Variants in MTUS2 observed in about 807,000 individuals in gnomAD.
The protein encoded by MTUS2 is microtubule-associated tumor suppressor candidate 2.
A neutral mutation model predicts 114.1 loss-of-function variants in MTUS2; 40 were observed. The ratio of observed to expected loss-of-function variants is 0.35; its 90% confidence interval spans 0.27 to 0.46. The LOEUF is 0.46. Among genes scored for constraint, MTUS2 ranks in the 20% least tolerant of loss-of-function variants. The pLI, the probability that MTUS2 is intolerant of heterozygous loss-of-function variation, is 1.00. For missense variants in MTUS2, 1,679 were observed against 1,705.4 expected, an observed-to-expected ratio of 0.98 and a Z score of 0.27; for synonymous variants, 688 against 672.0, an observed-to-expected ratio of 1.02 and a Z score of -0.37.
chr13:29,199,454 G>T (rs1362039903), intron 5 of MTUS2, among the ~76,000 whole-genome samples: 3 of 152,156 alleles, frequency 2.0e-5, no homozygotes, highest in Non-Finnish European at 2.9e-5. Context: ...TAATCATGTG[G>T]TTTTTGTCAT....
At chr13:29,350,066 TTCTC>T (rs771923276) in intron 7 of MTUS2, among the ~76,000 whole-genome samples, 15 of 152,144 alleles carry the variant, frequency 9.9e-5, no homozygotes, top group Non-Finnish European at 2.2e-4. Flanking sequence ...TGAGTATTTC[TTCTC>T]TCTGTGTTTC....
At chr13:29,118,132 C>T (rs891318682) in intron 5 of MTUS2, among the ~76,000 whole-genome samples, 2 of 152,048 alleles carry the variant, frequency 1.3e-5, no homozygotes, top group African/African-American at 2.4e-5. Context: ...AGGAAATGTA[C>T]GTTGCCTTGA....
intron 5 of MTUS2, among the ~76,000 whole-genome samples, chr13:29,152,077 A>AT (rs911233132): frequency 2.0e-5 from 3 of 151,568 alleles, no homozygotes; most frequent in South Asian, 2.1e-4. Context: ...TTCCTCCTTG[A>AT]TTTTTTTTGG....
At chr13:28,928,113 A>C (rs1436007869) in intron 2 of MTUS2, among the ~76,000 whole-genome samples, 1 of 152,198 alleles carries the variant, frequency 6.6e-6, no homozygotes, top group African/African-American at 2.4e-5. Context: ...AAATGGAATA[A>C]AGACTTAAAT....
At chr13:29,239,065 A>T (rs1896638934) in intron 5 of MTUS2, among the ~76,000 whole-genome samples, 1 of 152,212 alleles carries the variant, frequency 6.6e-6, no homozygotes, top group Admixed American at 6.5e-5. Context: ...ACAGTGCCAT[A>T]TTCTACACTT....
intron 8 of MTUS2, among the ~76,000 whole-genome samples, chr13:29,364,362 CCCCG>C (rs1346898616): frequency 6.6e-6 from 1 of 151,992 alleles, no homozygotes; most frequent in Non-Finnish European, 1.5e-5. Context: ...TGCAGAGTGC[CCCCG>C]CTCCCTGCAT....
At chr13:29,427,999 C>G (rs1458904449) in intron 8 of MTUS2, among the ~76,000 whole-genome samples, 1 of 152,182 alleles carries the variant, frequency 6.6e-6, no homozygotes, top group Non-Finnish European at 1.5e-5. Flanking sequence ...AAGATCAAGT[C>G]CTTCAAGGCT....
At chr13:29,252,921 A>G (rs1897172969) in intron 5 of MTUS2, among the ~76,000 whole-genome samples, 1 of 150,194 alleles carries the variant, frequency 6.7e-6, no homozygotes, top group Non-Finnish European at 1.5e-5. Context: ...TTTTTTTTTT[A>G]TAAATTACCT....
chr13:28,884,384 G>A (rs1285667718), intron 2 of MTUS2, among the ~76,000 whole-genome samples: 2 of 152,170 alleles, frequency 1.3e-5, no homozygotes, highest in African/African-American at 2.4e-5. Flanking sequence ...GTAGAATGGT[G>A]GTTGCTAGGG....
chr13:29,276,137 G>A (rs548924351), intron 5 of MTUS2, among the ~76,000 whole-genome samples: 47 of 152,194 alleles, frequency 3.1e-4, no homozygotes, highest in Non-Finnish European at 6.3e-4. Context: ...AGCTCAGGGT[G>A]TCCACACACT....
At position 29,480,922 on chromosome 13, in the gene MTUS2, C is replaced by T. The variant is rs535107977; in HGVS notation, c.3399+558C>T. ...CATGTAGTCCTCACAGTTCCCCTAA[C>T]GAGGAAGGTACCATTCTTATTCCCA... On this transcript the variant is annotated intron_variant, in intron 10 of 15. Coordinates refer to ENST00000612955, the MANE Select transcript of MTUS2 (RefSeq NM_001033602.4). This position sits in a 1 kb window ranked among gnomAD's most constrained non-coding sequence, Gnocchi z 4.4. Among the ~76,000 whole-genome samples, 8 of 152,300 alleles carry T rather than the reference C, an allele frequency of 5.3e-5. No individual in the cohort carries two copies. Among genetic ancestry groups the T allele is most frequent in the South Asian group, 2.1e-4 (1 of 4,824 alleles).
chr13:29,495,955 T>C (rs1322668278), intron 12 of MTUS2, among the ~76,000 whole-genome samples: 1 of 152,122 alleles, frequency 6.6e-6, no homozygotes, highest in African/African-American at 2.4e-5. Context: ...TCTATATCTA[T>C]ATCTATATAT....
At chr13:29,406,169 C>T (rs776337070) in intron 8 of MTUS2, among the ~76,000 whole-genome samples, 1 of 152,182 alleles carries the variant, frequency 6.6e-6, no homozygotes, top group Non-Finnish European at 1.5e-5. Flanking sequence ...CCGTCCCTTA[C>T]AAGAAGAAAC....
rs576140670 is a variant in MTUS2, at chr13:28,963,127, G to A, written c.-242-61330G>A. Among the ~76,000 whole-genome samples, 22 of 152,244 alleles carry A rather than the reference G, an allele frequency of 1.4e-4. No homozygotes were observed. In the East Asian group the frequency reaches 3.9e-3, roughly 27 times the overall value. On this transcript the variant is annotated intron_variant, in intron 2 of 15. Coordinates refer to ENST00000612955, the MANE Select transcript of MTUS2 (RefSeq NM_001033602.4). The stretch of plus-strand genomic sequence containing the variant: ...AGCACTTTGGGAGGCCGAGACAGAC[G>A]GATCACGAGGTCAGGAGATCGAGAC...
intron 8 of MTUS2, chr13:29,428,894 A>G: frequency 2.5e-6 from 4 of 1,613,970 alleles, no homozygotes; most frequent in Non-Finnish European, 3.4e-6. Flanking sequence ...CCTGGACAAG[A>G]CGGTACTTTG....
chr13:29,411,774 C>T (rs1246871873), intron 8 of MTUS2, among the ~76,000 whole-genome samples: 10 of 152,146 alleles, frequency 6.6e-5, no homozygotes, highest in Admixed American at 6.5e-4. Context: ...TAAAGTTTTC[C>T]TCAGAGAGAT....
chr13:29,228,425 T>C (rs4512949), intron 5 of MTUS2, among the ~76,000 whole-genome samples: 118,649 of 151,480 alleles, frequency 0.78, 46,648 homozygotes, highest in East Asian at 0.89. Flanking sequence ...GGCTTAAGTG[T>C]GCCTCCCATC....
chr13:29,248,504 A>G (rs1897005659), intron 5 of MTUS2, among the ~76,000 whole-genome samples: 1 of 152,214 alleles, frequency 6.6e-6, no homozygotes, highest in Non-Finnish European at 1.5e-5. Context: ...TCCAGGATAC[A>G]TGTGGTGAAT....
At chr13:28,975,980 G>T (rs565488786) in intron 2 of MTUS2, among the ~76,000 whole-genome samples, 1 of 152,252 alleles carries the variant, frequency 6.6e-6, no homozygotes, top group Non-Finnish European at 1.5e-5. Flanking sequence ...AAAGGTCATT[G>T]TCCATTCTGA....
Sources: allele counts gnomAD v4.1 joint callset (sites outside exome capture counted in the v4.1 genomes callset), GRCh38; gene constraint gnomAD v4.1.1; non-coding constraint Gnocchi (gnomAD v3.1); transcripts MANE v1.5; gene names NCBI Gene and HGNC (gene_info 2026-07-23, HGNC 2026-07-21).